LAIR1: variants seen among roughly 807,000 people sequenced by gnomAD.
LAIR1 encodes the protein leukocyte associated immunoglobulin like receptor 1, also known as leukocyte-associated immunoglobulin-like receptor 1.
LAIR1 carries 24 observed loss-of-function variants against 32.8 expected under a neutral mutation model. That is an observed-to-expected ratio of 0.73 (90% confidence interval 0.53 to 1.03). LAIR1 has a LOEUF of 1.03. Among genes scored for constraint, LAIR1 ranks in the 50% least tolerant of loss-of-function variants. The pLI, the probability that LAIR1 is intolerant of heterozygous loss-of-function variation, is 0.00. For synonymous variants in LAIR1, 150 were observed against 140.5 expected (o/e 1.07, Z -0.48); for missense variants, 355 against 347.5 (o/e 1.02, Z -0.17).
At chr19:54,375,442 T>G (rs377645688), upstream of LAIR1, among the ~76,000 whole-genome samples, 131 of 152,252 alleles carry the variant, frequency 8.6e-4, 4 homozygotes, top group South Asian at 0.025. Context: ...TCCCAGGAAG[T>G]CACCATGAGG....
chr19:54,357,044 A>G lies in LAIR1; in HGVS notation c.416-78T>C, dbSNP rs2081753987. 4 of 1,343,530 alleles carry G rather than the reference A, an allele frequency of 3.0e-6. No homozygotes were observed. In the East Asian group the frequency reaches 7.3e-5, roughly 25 times the overall value. The allele number at this position is 1,343,530 out of a possible 1,614,324, so 83.2% of individuals were successfully genotyped here. A position where few individuals can be genotyped will look rare whatever the true frequency, so the allele number is the denominator to read the frequency against. On this transcript the variant is annotated intron_variant, in intron 4 of 9. Transcript: ENST00000391742. ...GAAGGCTCTGAGTCCTCCCACATCC[A>G]CTGTGGGGATCTCCCTTCACTCCCC...
upstream of LAIR1, among the ~76,000 whole-genome samples, chr19:54,371,387 T>C (rs1278515595): frequency 1.3e-5 from 2 of 151,318 alleles, no homozygotes; most frequent in African/African-American, 4.9e-5. Context: ...CAGCCTCCAC[T>C]TCCCAGGCTC....
In LAIR1 at chr19:54,361,198, T is replaced by TG. The variant is rs779225547; in HGVS notation, c.81dup (p.Arg28GlnfsTer7). ...CCTGGCTCAGCCGAGATGGAGGGTC[T>TG]GGGCAGATCTTCTAGGAGGGAAGCA... On this transcript the variant is annotated frameshift_variant, in exon 3 of 10. Coordinates refer to ENST00000391742, the MANE Select transcript of LAIR1 (RefSeq NM_002287.6). LOFTEE classifies it high-confidence loss of function. 6 of 1,614,150 alleles carry TG rather than the reference T, an allele frequency of 3.7e-6. No homozygotes were observed. In the South Asian group the frequency reaches 6.6e-5, roughly 18 times the overall value.
upstream of LAIR1, among the ~76,000 whole-genome samples, chr19:54,369,880 A>C (rs2082363647): frequency 6.6e-6 from 1 of 150,744 alleles, no homozygotes; most frequent in African/African-American, 2.5e-5. Context: ...TTGCTGACCT[A>C]TCTTCCTCCT....
Position 54,360,908 on chromosome 19 carries a change from G to A in LAIR1, c.364+8C>T, listed in dbSNP as rs759760946. ...GAGACTGGGGCAGGGCCCAGGTGAC[G>A]TCCTCACCTTTCACCAGCAGCTCCA... On this transcript the variant is annotated splice_region_variant and intron_variant, in intron 3 of 9. Coordinates refer to ENST00000391742, the MANE Select transcript of LAIR1 (RefSeq NM_002287.6). 7.5e-6 allele frequency: 12 copies of A among 1,608,662 alleles called. No homozygotes were observed. The highest frequency in any genetic ancestry group is 3.3e-5 in the Admixed American group (2 of 59,922).
intron 4 of LAIR1, chr19:54,358,454 A>C (rs557159098): frequency 9.8e-7 from 1 of 1,019,750 alleles, no homozygotes; most frequent in African/African-American, 1.7e-5. Flanking sequence ...TATAGGTCTG[A>C]AATTCTACAT....
At chr19:54,369,947 T>A (rs894743181) in intron 1 of LAIR1, among the ~76,000 whole-genome samples, 2 of 149,676 alleles carry the variant, frequency 1.3e-5, no homozygotes, top group African/African-American at 5.1e-5. Context: ...ACTGGGGAAC[T>A]CAAGCTAAAC....
chr19:54,373,061 G>C (rs1379248561), upstream of LAIR1, among the ~76,000 whole-genome samples: 1 of 150,706 alleles, frequency 6.6e-6, no homozygotes, highest in African/African-American at 2.5e-5. Flanking sequence ...GAACCCAGGA[G>C]GTAGAGGTTG....
chr19:54,372,523 CTCTG>C (rs2082432900), upstream of LAIR1, among the ~76,000 whole-genome samples: 1 of 142,876 alleles, frequency 7.0e-6, no homozygotes, highest in Non-Finnish European at 1.5e-5. Flanking sequence ...TGAAGTCTCA[CTCTG>C]TCACCCAGGC....
In LAIR1 at chr19:54,356,776, C is replaced by A. The variant is rs947838489; in HGVS notation, c.454+152G>T. Reference sequence around the variant, plus strand: ...TACAGGGATCGTTATCCCCTTCTTCCACCACCGGGGTCCTGAGTGCTGGAG... The same window carrying A: ...TACAGGGATCGTTATCCCCTTCTTCAACCACCGGGGTCCTGAGTGCTGGAG... On this transcript the variant is annotated intron_variant, in intron 5 of 9. Transcript: ENST00000391742. 4.2e-6 allele frequency: 5 copies of A among 1,181,032 alleles called. No individual in the cohort carries two copies. In the African/African-American group the frequency reaches 6.2e-5, roughly 15 times the overall value. 73.2% of individuals were successfully genotyped at this position (1,181,032 alleles called of 1,614,324 possible).
chr19:54,369,121 C>A (rs2082342513), upstream of LAIR1, among the ~76,000 whole-genome samples: 1 of 148,494 alleles, frequency 6.7e-6, no homozygotes. Flanking sequence ...ACGACCCCAG[C>A]ACATCCGCCA....
At chr19:54,367,805 G>C (rs1305984766), upstream of LAIR1, among the ~76,000 whole-genome samples, 2 of 133,370 alleles carry the variant, frequency 1.5e-5, no homozygotes, top group East Asian at 4.4e-4. Context: ...TCGCTCTGTC[G>C]CCCAGGCCGG....
intron 4 of LAIR1, chr19:54,358,136 T>C (rs1408548309): frequency 6.8e-6 from 1 of 147,068 alleles, no homozygotes; most frequent in Non-Finnish European, 1.5e-5. Flanking sequence ...ATATATAATG[T>C]ATAATTTATA....
upstream of LAIR1, chr19:54,368,372 G>A (rs2082320117): frequency 6.6e-6 from 1 of 152,140 alleles, no homozygotes; most frequent in Non-Finnish European, 1.5e-5. Context: ...TGAACATGAG[G>A]CCAAAACACA....
At chr19:54,365,780 C>CT (rs1319281427), upstream of LAIR1, among the ~76,000 whole-genome samples, 6 of 141,228 alleles carry the variant, frequency 4.2e-5, no homozygotes, top group South Asian at 2.3e-4. Flanking sequence ...AAGACTCTGT[C>CT]TAAAAAAAAA....
upstream of LAIR1, chr19:54,365,021 G>A: frequency 7.0e-7 from 1 of 1,429,720 alleles, no homozygotes; most frequent in Non-Finnish European, 9.1e-7. Context: ...TCTGAAAAAT[G>A]TCGCTTACCC....
intron 3 of LAIR1, chr19:54,360,594 C>G (rs774475524): frequency 4.6e-5 from 22 of 475,024 alleles, no homozygotes; most frequent in Non-Finnish European, 7.5e-5. Context: ...GACACTCATC[C>G]TCTTGTAGGG....
chr19:54,364,744 A>T lies in LAIR1; in HGVS notation c.34+27T>A. ...TTCCAGACCTCCCGACCCCCTTTCC[A>T]GCCTCCCGGCTGCCTCCAGGACTCA... On this transcript the variant is annotated intron_variant, in intron 1 of 9. Coordinates refer to ENST00000391742, the MANE Select transcript of LAIR1 (RefSeq NM_002287.6). This position sits in a 1 kb window ranked among gnomAD's most constrained non-coding sequence, Gnocchi z 4.8. The T allele has an allele frequency of 5.0e-6, 8 of 1,597,686 alleles. No individual in the cohort carries two copies. Among genetic ancestry groups the T allele is most frequent in the East Asian group, 2.2e-5 (1 of 44,768 alleles).
In LAIR1 at chr19:54,352,749, T is replaced by C. The variant is rs1000282184; in HGVS notation, c.*2519A>G. The stretch of plus-strand genomic sequence containing the variant: ...TGTGCAGACTGTCCACCTTCTGCTA[T>C]AGAGTTCATGTACCCACCTGTCAAC... On this transcript the variant is annotated 3_prime_UTR_variant, in exon 10 of 10. Coordinates refer to ENST00000391742, the MANE Select transcript of LAIR1 (RefSeq NM_002287.6). 2 of 153,306 alleles carry C rather than the reference T, an allele frequency of 1.3e-5. No individual in the cohort carries two copies. The highest frequency in any genetic ancestry group is 2.4e-5 in the African/African-American group (1 of 41,436). The allele number at this position is 153,306 out of a possible 1,614,324, so 9.5% of individuals were successfully genotyped here.
Sources: gnomAD v4.1 joint callset for allele counts (sites outside exome capture counted in the v4.1 genomes callset) on GRCh38, gnomAD v4.1.1 for gene constraint, Gnocchi (gnomAD v3.1) non-coding constraint, MANE v1.5 for transcripts, NCBI Gene and HGNC (gene_info 2026-07-23, HGNC 2026-07-21) for gene names.